CSMD1: variants seen among roughly 807,000 people sequenced by gnomAD.
CSMD1 encodes CUB and sushi domain-containing protein 1.
CSMD1 carries 213 observed loss-of-function variants against 417.5 expected under a neutral mutation model. The ratio of observed to expected loss-of-function variants is 0.51; its 90% CI spans 0.46 to 0.57. The LOEUF is 0.57. CSMD1 is among the 20% of genes least tolerant of loss of function. The probability of loss-of-function intolerance (pLI) is 0.00; values close to 1 mark genes in which losing one functional copy is unlikely to be tolerated. For synonymous variants in CSMD1, 2,862 were observed against 1,736.8 expected (o/e 1.65, Z -16.11); for missense variants, 6,923 against 4,529.7 (o/e 1.53, Z -15.17).
chr8:3,697,309 TC>T (rs1238196679), intron 7 of CSMD1, among the ~76,000 whole-genome samples: 1 of 152,226 alleles, frequency 6.6e-6, no homozygotes, highest in Non-Finnish European at 1.5e-5. Flanking sequence ...TTCGGTTTTC[TC>T]CTTACACCTT....
At chr8:4,183,483 A>G (rs1377344415) in intron 3 of CSMD1, among the ~76,000 whole-genome samples, 1 of 152,198 alleles carries the variant, frequency 6.6e-6, no homozygotes, top group African/African-American at 2.4e-5. Context: ...TTGGAGGTGA[A>G]AACACTTTGC....
At chr8:4,794,590 C>G (rs755925814) in intron 1 of CSMD1, among the ~76,000 whole-genome samples, 7 of 152,172 alleles carry the variant, frequency 4.6e-5, no homozygotes, top group Non-Finnish European at 8.8e-5. Flanking sequence ...TCTCTCACCC[C>G]TCACACGCCT....
chr8:2,999,154 C>CTT (rs33927768), intron 53 of CSMD1, among the ~76,000 whole-genome samples: 161 of 116,450 alleles, frequency 1.4e-3, no homozygotes, highest in Middle Eastern at 4.4e-3. Flanking sequence ...TTTTTTTTCC[C>CTT]TTTTTTTTTT....
Position 4,149,591 on chromosome 8 carries a change from A to G in CSMD1, c.416-117492T>C, listed in dbSNP as rs6996545. 4.6e-5 allele frequency among the ~76,000 whole-genome samples: 7 copies of G among 152,208 alleles called. No individual in the cohort carries two copies. In the South Asian group the frequency reaches 1.2e-3, roughly 27 times the overall value. On this transcript the variant is annotated intron_variant, in intron 3 of 69. Transcript: ENST00000635120. ...CAAAATCCGAACCAGATTTATGCTAAAAGGGAAATAAACAACTGGTCCTTC... is the reference window on the plus strand; with the variant it reads ...CAAAATCCGAACCAGATTTATGCTAGAAGGGAAATAAACAACTGGTCCTTC...
At chr8:3,689,420 G>T (rs894038807) in intron 7 of CSMD1, among the ~76,000 whole-genome samples, 3 of 152,174 alleles carry the variant, frequency 2.0e-5, no homozygotes, top group Non-Finnish European at 4.4e-5. Flanking sequence ...CAGGAAGAAA[G>T]GAAATGGCGG....
rs373076009 is a variant in CSMD1 at position 4,312,424 on chromosome 8, C to T, written c.415+107529G>A. 1.0e-3 allele frequency among the ~76,000 whole-genome samples: 103 copies of T among 102,682 alleles called. 11 individuals carry two copies. Among genetic ancestry groups the T allele is most frequent in the African/African-American group, 6.6e-3 (72 of 10,938 alleles). 67.4% of individuals were successfully genotyped at this position (102,682 alleles called of 152,430 possible). On this transcript the variant is annotated intron_variant, in intron 3 of 69. Transcript: ENST00000635120. ...ATATATATGCGTGTATATATATGCG[C>T]GTATATATATATGCGTATATATATA...
At chr8:4,358,886 C>A (rs1801589741) in intron 3 of CSMD1, among the ~76,000 whole-genome samples, 2 of 151,942 alleles carry the variant, frequency 1.3e-5, no homozygotes, top group Admixed American at 6.6e-5. Context: ...TCACCATAAA[C>A]CTAAAACTAC....
chr8:4,431,072 C>G (rs1188608547), intron 2 of CSMD1, among the ~76,000 whole-genome samples: 3 of 152,058 alleles, frequency 2.0e-5, no homozygotes, highest in African/African-American at 7.2e-5. Flanking sequence ...TTATTTTCTT[C>G]TATGATCATT....
At chr8:3,918,310 A>C (rs909435455) in intron 5 of CSMD1, among the ~76,000 whole-genome samples, 4 of 152,074 alleles carry the variant, frequency 2.6e-5, no homozygotes, top group Admixed American at 2.6e-4. Flanking sequence ...GCCAATTTAC[A>C]TTCCTACCAC....
chr8:4,245,616 A>G (rs566814126), intron 3 of CSMD1, among the ~76,000 whole-genome samples: 1 of 152,296 alleles, frequency 6.6e-6, no homozygotes, highest in African/African-American at 2.4e-5. Flanking sequence ...CTGGTCAACA[A>G]TGTCATAATC....
At chr8:3,371,834 T>G (rs1228993016) in intron 18 of CSMD1, among the ~76,000 whole-genome samples, 5 of 152,176 alleles carry the variant, frequency 3.3e-5, no homozygotes, top group Non-Finnish European at 7.3e-5. Context: ...CTCATGGAAT[T>G]TTTGCATCTG....
intron 54 of CSMD1, among the ~76,000 whole-genome samples, chr8:2,988,192 T>C (rs1806088366): frequency 6.6e-6 from 1 of 152,202 alleles, no homozygotes; most frequent in Non-Finnish European, 1.5e-5. Context: ...TAATGATTCT[T>C]TAGTGAAGTT....
At chr8:3,892,223 T>C (rs888251071) in intron 5 of CSMD1, among the ~76,000 whole-genome samples, 1 of 152,146 alleles carries the variant, frequency 6.6e-6, no homozygotes, top group African/African-American at 2.4e-5. Context: ...TAAATTAAAG[T>C]GCTGAGGTCA....
chr8:4,501,070 TATA>T (rs1220683335), intron 2 of CSMD1, among the ~76,000 whole-genome samples: 1 of 152,002 alleles, frequency 6.6e-6, no homozygotes, highest in African/African-American at 2.4e-5. Context: ...CCAAAAAAGA[TATA>T]ATAACAACAA....
At chr8:3,022,961 G>C (rs998111013) in intron 51 of CSMD1, among the ~76,000 whole-genome samples, 4 of 152,122 alleles carry the variant, frequency 2.6e-5, no homozygotes, top group African/African-American at 7.2e-5. Flanking sequence ...GCTGTCTCTG[G>C]GGCAATGAGC....
chr8:4,905,782 T>G (rs948953408), intron 1 of CSMD1, among the ~76,000 whole-genome samples: 3 of 136,674 alleles, frequency 2.2e-5, no homozygotes, highest in Non-Finnish European at 4.5e-5. Context: ...ATTGTGCCAC[T>G]GCACTCCAGC....
intron 41 of CSMD1, among the ~76,000 whole-genome samples, chr8:3,121,268 A>C (rs1423386486): frequency 1.3e-5 from 2 of 152,204 alleles, no homozygotes; most frequent in Non-Finnish European, 2.9e-5. Context: ...AGGTTAAAAA[A>C]AATCCTTTAT....
At chr8:3,636,767 T>A (rs1408018411) in intron 7 of CSMD1, among the ~76,000 whole-genome samples, 1 of 152,020 alleles carries the variant, frequency 6.6e-6, no homozygotes, top group Non-Finnish European at 1.5e-5. Context: ...GGCAGAGAGG[T>A]TCTCCTGACA....
intron 3 of CSMD1, among the ~76,000 whole-genome samples, chr8:4,349,544 T>C (rs939798599): frequency 7.6e-4 from 115 of 152,164 alleles, no homozygotes; most frequent in Non-Finnish European, 8.8e-5. Flanking sequence ...CTCTATACCA[T>C]GCTTTTTTAT....
Sources: gnomAD v4.1 joint callset for allele counts (sites outside exome capture counted in the v4.1 genomes callset) on GRCh38, gnomAD v4.1.1 for gene constraint, MANE v1.5 for transcripts, NCBI Gene and HGNC (gene_info 2026-07-23, HGNC 2026-07-21) for gene names.